Variants in PTPRM observed in about 807,000 individuals in gnomAD.
PTPRM encodes protein tyrosine phosphatase receptor type M.
In PTPRM, 47 loss-of-function variants were observed where a neutral mutation model predicts 186.7. The observed-to-expected ratio is 0.25, with a 90% CI of 0.20 to 0.32. The LOEUF is 0.32. Ranked by LOEUF, PTPRM falls within the 10% of genes least tolerant of loss-of-function variation. The probability of loss-of-function intolerance (pLI) is 1.00; values close to 1 mark genes in which losing one functional copy is unlikely to be tolerated. For synonymous variants in PTPRM, 668 were observed against 674.9 expected (o/e 0.99, Z 0.16); for missense variants, 1,494 against 1,865.0 (o/e 0.80, Z 3.66).
intron 7 of PTPRM, among the ~76,000 whole-genome samples, chr18:8,055,253 A>G (rs1305671111): frequency 5.3e-5 from 8 of 152,092 alleles, no homozygotes; most frequent in Non-Finnish European, 1.2e-4. Flanking sequence ...CTGGAATGCC[A>G]ATTAGACATA....
At chr18:8,321,673 C>A (rs2095346652) in intron 22 of PTPRM, among the ~76,000 whole-genome samples, 1 of 152,198 alleles carries the variant, frequency 6.6e-6, no homozygotes, top group South Asian at 2.1e-4. Context: ...GGCAGCCTTT[C>A]CCTGGTACAA....
intron 1 of PTPRM, among the ~76,000 whole-genome samples, chr18:7,571,484 ATATAT>A (rs1475920221): frequency 1.3e-5 from 2 of 152,218 alleles, no homozygotes; most frequent in African/African-American, 4.8e-5. Context: ...AAGTTGCAAC[ATATAT>A]TATATAATAC....
At chr18:7,812,152 G>T (rs1025635067) in intron 2 of PTPRM, among the ~76,000 whole-genome samples, 2 of 152,194 alleles carry the variant, frequency 1.3e-5, no homozygotes, top group Admixed American at 6.5e-5. Flanking sequence ...ATTGGATGAA[G>T]TAGGCATTAC....
intron 22 of PTPRM, among the ~76,000 whole-genome samples, chr18:8,334,752 G>A (rs981094347): frequency 8.5e-5 from 13 of 152,134 alleles, no homozygotes; most frequent in Admixed American, 5.9e-4. Context: ...TTGTTCAATG[G>A]AAAGAGTAGA....
rs921141743 is a variant in PTPRM, at chr18:7,906,428, G to A, written c.469-77G>A. The A allele has an allele frequency of 7.3e-5, 78 of 1,070,824 alleles. 1 individual carries two copies. In the Admixed American group the frequency reaches 1.2e-3, roughly 17 times the overall value. 66.3% of individuals were successfully genotyped at this position (1,070,824 alleles called of 1,614,324 possible). ...TTGGTGAAAGAATAAACGAAATTAT[G>A]TGTCTTATATATAGGAGATACTTGG... On this transcript the variant is annotated intron_variant, in intron 3 of 32. Coordinates refer to ENST00000580170, the MANE Select transcript of PTPRM (RefSeq NM_001105244.2).
chr18:7,878,458 T>C (rs2048346814), intron 2 of PTPRM, among the ~76,000 whole-genome samples: 1 of 152,200 alleles, frequency 6.6e-6, no homozygotes, highest in Non-Finnish European at 1.5e-5. Flanking sequence ...CTTTGGCTTC[T>C]TCTTCAGGAA....
At chr18:8,385,435 C>CG in intron 30 of PTPRM, among the ~76,000 whole-genome samples, 1 of 152,318 alleles carries the variant, frequency 6.6e-6, no homozygotes, top group South Asian at 2.1e-4. Context: ...GGAGCAAGCT[C>CG]TGTTGTAAGC....
intron 1 of PTPRM, among the ~76,000 whole-genome samples, chr18:7,624,414 G>A (rs1176473668): frequency 1.3e-5 from 2 of 152,130 alleles, no homozygotes; most frequent in African/African-American, 2.4e-5. Context: ...CTGACTGACT[G>A]GATTTTGATC....
intron 7 of PTPRM, among the ~76,000 whole-genome samples, chr18:7,983,925 T>G (rs1004170834): frequency 2.0e-5 from 3 of 152,194 alleles, no homozygotes; most frequent in Admixed American, 2.0e-4. Context: ...CAGAGACATT[T>G]GAGATTTTCA....
chr18:8,235,479 T>A (rs1263821551), intron 14 of PTPRM, among the ~76,000 whole-genome samples: 1 of 114,062 alleles, frequency 8.8e-6, no homozygotes, highest in African/African-American at 3.4e-5. Flanking sequence ...TTTTTTTTTT[T>A]AGCCTGGCTA....
intron 14 of PTPRM, among the ~76,000 whole-genome samples, chr18:8,163,047 C>T (rs1047031886): frequency 3.9e-5 from 6 of 152,200 alleles, no homozygotes; most frequent in Non-Finnish European, 7.3e-5. Context: ...ACACGCCCCA[C>T]GACAGCTAGC....
intron 5 of PTPRM, among the ~76,000 whole-genome samples, chr18:7,943,673 T>G (rs1568048234): frequency 6.6e-6 from 1 of 152,104 alleles, no homozygotes; most frequent in Non-Finnish European, 1.5e-5. Flanking sequence ...CTTTTCCAGA[T>G]TCTAGAAACC....
chr18:8,024,727 A>G (rs2085461330), intron 7 of PTPRM, among the ~76,000 whole-genome samples: 1 of 133,724 alleles, frequency 7.5e-6, no homozygotes, highest in Admixed American at 8.4e-5. Context: ...TTTGTCACCC[A>G]GGCTGGAGTA....
intron 28 of PTPRM, among the ~76,000 whole-genome samples, chr18:8,379,593 G>A (rs1028722613): frequency 6.6e-6 from 1 of 152,192 alleles, no homozygotes. Flanking sequence ...TGAGAGCTGA[G>A]ACTTTTAACC....
intron 5 of PTPRM, among the ~76,000 whole-genome samples, chr18:7,941,225 A>G (rs73381826): frequency 0.011 from 1,624 of 152,276 alleles, 36 homozygotes; most frequent in African/African-American, 0.037. Context: ...TTCACTGTCT[A>G]GCCCACAGTC....
chr18:7,755,555 G>A (rs900034001), intron 1 of PTPRM, among the ~76,000 whole-genome samples: 15 of 152,166 alleles, frequency 9.9e-5, no homozygotes, highest in African/African-American at 3.1e-4. Flanking sequence ...AGGATATGAG[G>A]ATAGGTATAA....
At chr18:8,160,518 C>T (rs116344355) in intron 14 of PTPRM, among the ~76,000 whole-genome samples, 1,847 of 152,270 alleles carry the variant, frequency 0.012, 42 homozygotes, top group African/African-American at 0.042. Context: ...TGATCTTGAA[C>T]TCAGGGCCTC....
At chr18:8,272,387 C>T (rs1181421773) in intron 19 of PTPRM, among the ~76,000 whole-genome samples, 1 of 151,780 alleles carries the variant, frequency 6.6e-6, no homozygotes, top group East Asian at 1.9e-4. Context: ...AACACATTAA[C>T]TTGCCCTCTT....
At chr18:7,862,745 C>T (rs997453789) in intron 2 of PTPRM, among the ~76,000 whole-genome samples, 4 of 152,162 alleles carry the variant, frequency 2.6e-5, no homozygotes, top group African/African-American at 7.2e-5. Context: ...GTAACAAACT[C>T]GCAGAATCAT....
Sources: gnomAD v4.1 joint callset for allele counts (sites outside exome capture counted in the v4.1 genomes callset) on GRCh38, gnomAD v4.1.1 for gene constraint, MANE v1.5 for transcripts, NCBI Gene and HGNC (gene_info 2026-07-23, HGNC 2026-07-21) for gene names.